The following PARVB variants were observed in gnomAD, a reference collection of about 807,000 sequenced individuals.
PARVB encodes parvin beta, also known as beta-parvin.
Under a neutral mutation model 47.0 loss-of-function variants are expected in PARVB, and 46 were observed. The ratio of observed to expected loss-of-function variants is 0.98; its 90% CI spans 0.77 to 1.25. The LOEUF is 1.25. Ranked by LOEUF, PARVB falls within the 50% of genes most tolerant of loss-of-function variation. The pLI is 0.00. For missense variants in PARVB, 473 were observed against 471.6 expected (o/e 1.00, Z -0.03); for synonymous variants, 196 against 196.3 (o/e 1.00, Z 0.01).
At chr22:44,057,364 T>C (rs1157615733) in intron 1 of PARVB, among the ~76,000 whole-genome samples, 2 of 152,176 alleles carry the variant, frequency 1.3e-5, no homozygotes, top group Non-Finnish European at 2.9e-5. Flanking sequence ...ATGAAGTGAC[T>C]GTAGAGCAAT....
rs59595550 is a variant in PARVB, at chr22:44,122,532, G to C, written c.376+3392G>C. On this transcript the variant is annotated intron_variant, in intron 4 of 12. Transcript: ENST00000338758. ...AGAGAGAGAGAGACAGAGAGACAGA[G>C]AGAGAGAGAGAGAGAGAGAGACACA... 2.0e-3 allele frequency among the ~76,000 whole-genome samples: 199 copies of C among 97,158 alleles called. 4 individuals are homozygous for C. Among genetic ancestry groups the C allele is most frequent in the African/African-American group, 6.1e-3 (108 of 17,838 alleles). The allele number at this position is 97,158 out of a possible 152,430, so 63.7% of individuals were successfully genotyped here. A position where few individuals can be genotyped will look rare whatever the true frequency, so the allele number is the denominator to read the frequency against.
rs890305461 is a variant in PARVB at position 44,158,797 on chromosome 22, T to C, written c.945+714T>C. ...CACATTGCCTTTAAAAACTTGGCCA[T>C]GGATGGTCTATGTTGCTTTGGATTC... On this transcript the variant is annotated intron_variant, in intron 11 of 12. Transcript: ENST00000338758. 3.3e-5 allele frequency among the ~76,000 whole-genome samples: 5 copies of C among 152,240 alleles called. No individual in the cohort carries two copies. In the South Asian group the frequency reaches 8.3e-4, roughly 25 times the overall value.
At position 44,029,675 on chromosome 22, in the gene PARVB, C is replaced by T. The variant is rs548260092; in HGVS notation, c.112+5224C>T. ...CCTGTAATCCCAGCACTTTGGGAGGCTGAAGCGGCAGATCACCTGAGGTCA... is the reference window on the plus strand; with the variant it reads ...CCTGTAATCCCAGCACTTTGGGAGGTTGAAGCGGCAGATCACCTGAGGTCA... On this transcript the variant is annotated intron_variant, in intron 1 of 12. Transcript: ENST00000338758. Among the ~76,000 whole-genome samples, 556 of 152,108 alleles carry T rather than the reference C, an allele frequency of 3.7e-3. 4 individuals carry two copies. Among genetic ancestry groups the T allele is most frequent in the African/African-American group, 0.013 (530 of 41,510 alleles).
chr22:44,052,395 G>T (rs2051225994), intron 1 of PARVB, among the ~76,000 whole-genome samples: 1 of 152,212 alleles, frequency 6.6e-6, no homozygotes, highest in Non-Finnish European at 1.5e-5. Flanking sequence ...CTGATTCTGG[G>T]AATGCCGAAC....
At chr22:44,167,173 C>T (rs375917625) in intron 12 of PARVB, among the ~76,000 whole-genome samples, 8 of 152,316 alleles carry the variant, frequency 5.3e-5, no homozygotes, top group African/African-American at 9.6e-5. Context: ...GTGGGGTCCC[C>T]GACCCTGCTC....
intron 12 of PARVB, among the ~76,000 whole-genome samples, chr22:44,164,413 C>CA (rs376317872): frequency 1.0e-4 from 15 of 143,988 alleles, no homozygotes; most frequent in East Asian, 3.9e-4. Flanking sequence ...TCCCTGTCCC[C>CA]CCCCCGGCTC....
intron 2 of PARVB, chr22:44,010,442 A>G (rs899424438): frequency 2.0e-5 from 3 of 152,216 alleles, no homozygotes; most frequent in African/African-American, 4.8e-5. Flanking sequence ...CCATTCCCCT[A>G]TATGACAAGC....
intron 1 of PARVB, among the ~76,000 whole-genome samples, chr22:44,078,704 A>G (rs945794393): frequency 1.2e-4 from 19 of 152,136 alleles, no homozygotes; most frequent in African/African-American, 4.6e-4. Context: ...GCAGTGACAG[A>G]TGGAGTAGAA....
At chr22:44,009,034 G>A (rs2050496439) in intron 2 of PARVB, among the ~76,000 whole-genome samples, 3 of 152,122 alleles carry the variant, frequency 2.0e-5, no homozygotes, top group African/African-American at 7.2e-5. Context: ...TATTTTAAAA[G>A]CTCATTATAG....
intron 2 of PARVB, among the ~76,000 whole-genome samples, chr22:44,006,295 T>TC (rs2050464150): frequency 6.6e-6 from 1 of 152,088 alleles, no homozygotes. Flanking sequence ...CTTACGCCAC[T>TC]CCAAGTGTAG....
intron 1 of PARVB, among the ~76,000 whole-genome samples, chr22:44,051,506 C>T (rs1187780263): frequency 6.6e-6 from 1 of 152,316 alleles, no homozygotes; most frequent in East Asian, 1.9e-4. Flanking sequence ...TGCTGGTGGC[C>T]TGCTTAGCAA....
At chr22:44,014,131 G>A (rs1569049641) in intron 2 of PARVB, among the ~76,000 whole-genome samples, 2 of 152,220 alleles carry the variant, frequency 1.3e-5, no homozygotes, top group Non-Finnish European at 2.9e-5. Flanking sequence ...CAAGGGTCCT[G>A]TGTTTGGGTA....
chr22:44,048,082 G>T (rs2051145486), intron 1 of PARVB, among the ~76,000 whole-genome samples: 1 of 152,136 alleles, frequency 6.6e-6, no homozygotes, highest in South Asian at 2.1e-4. Context: ...AGAGGATGGG[G>T]GTTCAGGCAG....
At chr22:44,055,678 C>CTCTCTCTCTA (rs1438284048) in intron 1 of PARVB, among the ~76,000 whole-genome samples, 1 of 142,680 alleles carries the variant, frequency 7.0e-6, no homozygotes, top group African/African-American at 2.6e-5. Context: ...CTCTCTCTCT[C>CTCTCTCTCTA]TATATATATA....
At chr22:44,018,902 G>T (rs2050613810) in intron 2 of PARVB, among the ~76,000 whole-genome samples, 1 of 151,974 alleles carries the variant, frequency 6.6e-6, no homozygotes, top group African/African-American at 2.4e-5. Flanking sequence ...CCTGGAGCTG[G>T]TTAATTTTTT....
At chr22:44,122,596 G>C (rs913862322) in intron 4 of PARVB, among the ~76,000 whole-genome samples, 4 of 138,832 alleles carry the variant, frequency 2.9e-5, no homozygotes, top group East Asian at 2.0e-4. Flanking sequence ...GAGAGAGAGA[G>C]AGAGAGAGAG....
At chr22:44,065,498 T>G (rs920804564) in intron 1 of PARVB, among the ~76,000 whole-genome samples, 23 of 152,148 alleles carry the variant, frequency 1.5e-4, no homozygotes, top group Admixed American at 2.6e-4. Flanking sequence ...TTCAACAGGT[T>G]TTTGGGGAAC....
intron 1 of PARVB, among the ~76,000 whole-genome samples, chr22:44,048,425 G>A (rs946271534): frequency 1.3e-5 from 2 of 152,090 alleles, no homozygotes; most frequent in African/African-American, 4.8e-5. Context: ...AGGCTGGAGT[G>A]CAGTGGCGTG....
At chr22:44,130,796 C>CAA (rs1321471906) in intron 4 of PARVB, among the ~76,000 whole-genome samples, 2 of 152,070 alleles carry the variant, frequency 1.3e-5, no homozygotes, top group Non-Finnish European at 2.9e-5. Flanking sequence ...TATGTTTTTT[C>CAA]CATTTTGTAT....
Sources: gnomAD v4.1 joint callset for allele counts (sites outside exome capture counted in the v4.1 genomes callset) on GRCh38, gnomAD v4.1.1 for gene constraint, MANE v1.5 for transcripts, NCBI Gene and HGNC (gene_info 2026-07-23, HGNC 2026-07-21) for gene names.